Variants in MEI4 observed in about 807,000 individuals in gnomAD.
MEI4 encodes meiosis-specific protein MEI4.
MEI4 carries 27 observed loss-of-function variants against 31.4 expected under a neutral mutation model. The ratio of observed to expected loss-of-function variants is 0.86; its 90% CI spans 0.63 to 1.19. The LOEUF is 1.19. Ranked by LOEUF, MEI4 falls within the 50% of genes most tolerant of loss-of-function variation. MEI4 has a pLI of 0.00. For missense variants in MEI4, 329 were observed against 398.9 expected (o/e 0.82, Z 1.49); for synonymous variants, 122 against 145.4 (o/e 0.84, Z 1.16).
chr6:77,773,072 G>A (rs1768355117), intron 3 of MEI4, among the ~76,000 whole-genome samples: 1 of 151,952 alleles, frequency 6.6e-6, no homozygotes, highest in African/African-American at 2.4e-5. Flanking sequence ...TATATTTCAT[G>A]TTCATGGATT....
chr6:77,733,686 C>G (rs527285746), intron 2 of MEI4, among the ~76,000 whole-genome samples: 2 of 151,872 alleles, frequency 1.3e-5, no homozygotes, highest in East Asian at 3.9e-4. Context: ...AATACGTTTG[C>G]TCTTGCTTTT....
chr6:77,800,288 T>C (rs1769212852), intron 3 of MEI4, among the ~76,000 whole-genome samples: 1 of 152,124 alleles, frequency 6.6e-6, no homozygotes, highest in Non-Finnish European at 1.5e-5. Context: ...ATGATTCGGC[T>C]CTCTGTTTGT....
At chr6:77,918,058 G>T (rs1420428508) in intron 4 of MEI4, among the ~76,000 whole-genome samples, 2 of 151,032 alleles carry the variant, frequency 1.3e-5, no homozygotes, top group Non-Finnish European at 2.9e-5. Context: ...TCTCAGGTTT[G>T]TCAAAGATCA....
At chr6:77,785,310 C>T (rs1359039202) in intron 3 of MEI4, among the ~76,000 whole-genome samples, 2 of 152,154 alleles carry the variant, frequency 1.3e-5, no homozygotes, top group Non-Finnish European at 2.9e-5. Context: ...CCACATTTAG[C>T]ATTAACATCC....
intron 4 of MEI4, among the ~76,000 whole-genome samples, chr6:77,861,149 C>T (rs1770855822): frequency 6.6e-6 from 1 of 152,206 alleles, no homozygotes; most frequent in African/African-American, 2.4e-5. Flanking sequence ...CACTGTAGCA[C>T]AATCTCCATT....
At chr6:77,903,228 T>C (rs906712806) in intron 4 of MEI4, among the ~76,000 whole-genome samples, 2 of 152,132 alleles carry the variant, frequency 1.3e-5, no homozygotes, top group Non-Finnish European at 2.9e-5. Flanking sequence ...ATGGTTAACT[T>C]ACAAAATTTC....
intron 3 of MEI4, among the ~76,000 whole-genome samples, chr6:77,812,557 G>C (rs1464826788): frequency 6.6e-6 from 1 of 152,046 alleles, no homozygotes; most frequent in Non-Finnish European, 1.5e-5. Flanking sequence ...AGTTAGAAGA[G>C]GAAATTACCC....
intron 1 of MEI4, among the ~76,000 whole-genome samples, chr6:77,663,458 G>A (rs1052905220): frequency 5.9e-5 from 9 of 151,980 alleles, no homozygotes; most frequent in African/African-American, 1.9e-4. Flanking sequence ...GAAGAAGGGC[G>A]GCAATGAGAT....
intron 4 of MEI4, among the ~76,000 whole-genome samples, chr6:77,853,045 A>G (rs951768382): frequency 2.0e-5 from 3 of 152,106 alleles, no homozygotes; most frequent in Admixed American, 2.0e-4. Flanking sequence ...CTAAAAATAC[A>G]AAACTAGCCA....
In MEI4 at chr6:77,659,671, G is replaced by A. The variant is rs541821565; in HGVS notation, c.-15+6579G>A. ...TAGCCAAGGATGGAGTGAAATAGAG[G>A]GCAAGTGTCTTCCTAAGCAATAATT... On this transcript the variant is annotated intron_variant, in intron 1 of 4. Coordinates refer to ENST00000684080, the MANE Select transcript of MEI4 (RefSeq NM_001322247.2). 3.9e-5 allele frequency among the ~76,000 whole-genome samples: 6 copies of A among 152,216 alleles called. No homozygotes were observed. The South Asian group carries it at 6.2e-4, about 16-fold the overall frequency.
intron 2 of MEI4, among the ~76,000 whole-genome samples, chr6:77,699,687 G>T (rs957161739): frequency 6.6e-6 from 1 of 152,000 alleles, no homozygotes; most frequent in African/African-American, 2.4e-5. Context: ...TTTCTGCTGT[G>T]TTTTTTCCCC....
intron 4 of MEI4, among the ~76,000 whole-genome samples, chr6:77,909,240 A>C (rs1271809239): frequency 6.6e-6 from 1 of 152,004 alleles, no homozygotes; most frequent in East Asian, 1.9e-4. Context: ...GACACAAAAA[A>C]CCCTTCAAAA....
intron 4 of MEI4, among the ~76,000 whole-genome samples, chr6:77,860,291 G>C (rs1178398529): frequency 6.6e-6 from 1 of 152,124 alleles, no homozygotes; most frequent in Non-Finnish European, 1.5e-5. Context: ...GTCAGAAGAG[G>C]GGAGTTGATA....
At chr6:77,889,730 T>C (rs1581954870) in intron 4 of MEI4, among the ~76,000 whole-genome samples, 1 of 151,816 alleles carries the variant, frequency 6.6e-6, no homozygotes, top group Non-Finnish European at 1.5e-5. Flanking sequence ...AGGCCTGGAG[T>C]CCTAGAAGAG....
Position 77,868,046 on chromosome 6 carries a change from C to T in MEI4, c.900+38984C>T, listed in dbSNP as rs59765653. On this transcript the variant is annotated intron_variant, in intron 4 of 4. Coordinates refer to ENST00000684080, the MANE Select transcript of MEI4 (RefSeq NM_001322247.2). ...GAACACATGGACACAGGAAGGGGAACATCACACTCTGGGGACTGTTGTGGG... is the reference window on the plus strand; with the variant it reads ...GAACACATGGACACAGGAAGGGGAATATCACACTCTGGGGACTGTTGTGGG... Among the ~76,000 whole-genome samples, 1,377 of 149,588 alleles carry T rather than the reference C, an allele frequency of 9.2e-3. 17 individuals are homozygous for T. The highest frequency in any genetic ancestry group is 0.031 in the African/African-American group (1,275 of 40,516).
chr6:77,860,305 G>A (rs2127720903), intron 4 of MEI4, among the ~76,000 whole-genome samples: 1 of 152,272 alleles, frequency 6.6e-6, no homozygotes, highest in East Asian at 1.9e-4. Context: ...GTTGATAGCA[G>A]CTGCTAGGTG....
chr6:77,871,330 T>C (rs1006972185), intron 4 of MEI4, among the ~76,000 whole-genome samples: 2 of 152,202 alleles, frequency 1.3e-5, no homozygotes, highest in Non-Finnish European at 2.9e-5. Flanking sequence ...AAAAAGATAT[T>C]TGAGAAAATA....
At chr6:77,838,743 A>C (rs980358659) in intron 4 of MEI4, among the ~76,000 whole-genome samples, 3 of 152,052 alleles carry the variant, frequency 2.0e-5, no homozygotes, top group African/African-American at 7.2e-5. Flanking sequence ...CTCTACTAAA[A>C]ATACAAAAAA....
At chr6:77,765,169 G>T (rs1014904084) in intron 3 of MEI4, among the ~76,000 whole-genome samples, 38 of 152,082 alleles carry the variant, frequency 2.5e-4, no homozygotes, top group African/African-American at 7.7e-4. Flanking sequence ...ACTTCATCGG[G>T]CTAAATACTA....
Sources: gnomAD v4.1 joint callset for allele counts (sites outside exome capture counted in the v4.1 genomes callset) on GRCh38, gnomAD v4.1.1 for gene constraint, MANE v1.5 for transcripts, NCBI Gene and HGNC (gene_info 2026-07-23, HGNC 2026-07-21) for gene names.